Variants in HSPG2 observed in about 807,000 individuals in gnomAD.
The protein encoded by HSPG2 is heparan sulfate proteoglycan 2.
In HSPG2, 278 loss-of-function variants were observed where a neutral mutation model predicts 526.6. That is an observed-to-expected ratio of 0.53 (90% CI 0.48 to 0.58). HSPG2 has a LOEUF of 0.58. Ranked by LOEUF, HSPG2 falls within the 20% of genes least tolerant of loss-of-function variation. HSPG2 has a pLI of 0.00. For missense variants in HSPG2, 5,354 were observed against 6,099.5 expected (o/e 0.88, Z 4.07); for synonymous variants, 2,465 against 2,555.4 (o/e 0.96, Z 1.07).
At chr1:21,885,743 C>T (rs997462729) in intron 9 of HSPG2, among the ~76,000 whole-genome samples, 14 of 152,194 alleles carry the variant, frequency 9.2e-5, no homozygotes, top group African/African-American at 3.1e-4. Flanking sequence ...CGCTCAGAGG[C>T]ACAGAAGCGC....
Position 21,890,147 on chromosome 1 carries a change from G to A in HSPG2, c.414-6C>T. 1 of 1,614,022 alleles carries A rather than the reference G, an allele frequency of 6.2e-7. No individual in the cohort carries two copies. Among genetic ancestry groups the A allele is most frequent in the African/African-American group, 1.3e-5 (1 of 75,026 alleles). ...AAACCCAGCCATCCAGCTCCCTGGG[G>A]ATGGAGACAGGCAGGAGAGGAGGGT... On this transcript the variant is annotated splice_polypyrimidine_tract_variant and splice_region_variant and intron_variant, in intron 5 of 96. Transcript: ENST00000374695. The surrounding 1 kb of genome is among the most constrained non-coding windows in gnomAD (Gnocchi z 4.1).
In HSPG2 at chr1:21,887,785, A is replaced by G. The variant is rs548488294; in HGVS notation, c.704-111T>C. 1.1e-5 allele frequency: 16 copies of G among 1,429,656 alleles called. No individual in the cohort carries two copies. Among genetic ancestry groups the G allele is most frequent in the Non-Finnish European group, 1.5e-5 (16 of 1,038,360 alleles). The allele number at this position is 1,429,656 out of a possible 1,614,324, so 88.6% of individuals were successfully genotyped here. On this transcript the variant is annotated intron_variant, in intron 7 of 96. Transcript: ENST00000374695. This position sits in a 1 kb window ranked among gnomAD's most constrained non-coding sequence, Gnocchi z 5.0. ...GTACTCCCCAACACCACTCCCTGCC[A>G]CCCCCTGCCTGGCTCTGTCATCACC...
At chr1:21,885,578 A>C in intron 9 of HSPG2, 127 bp from the exon 10 acceptor site, 1 of 1,083,142 alleles carries the variant, frequency 9.2e-7, no homozygotes, top group Non-Finnish European at 1.4e-6. Flanking sequence ...CCCCTGCTGC[A>C]CAACACTGTC....
In HSPG2 at chr1:21,885,185, G is replaced by T. The variant is rs963835932; in HGVS notation, c.1211-28C>A. On this transcript the variant is annotated intron_variant, in intron 10 of 96. Coordinates refer to ENST00000374695, the MANE Select transcript of HSPG2 (RefSeq NM_005529.7). ...GAGGAGACCAGGGCAGGAGTGAGGG[G>T]TCGGGGGCAAAGGAAGGAGGAGCGG... 3 of 1,601,142 alleles carry T rather than the reference G, an allele frequency of 1.9e-6. No individual in the cohort carries two copies. In the African/African-American group the frequency reaches 4.0e-5, roughly 21 times the overall value.
intron 6 of HSPG2, chr1:21,888,746 G>A (rs1221493041): frequency 1.5e-6 from 2 of 1,355,596 alleles, no homozygotes; most frequent in Non-Finnish European, 2.0e-6. Flanking sequence ...ATCAGTGGCT[G>A]TTCCACCTGG....
chr1:21,852,049 C>T, intron 53 of HSPG2, 39 bp downstream of exon 53: 2 of 1,612,212 alleles, frequency 1.2e-6, no homozygotes, highest in Non-Finnish European at 1.7e-6. Flanking sequence ...CTGCAACCCA[C>T]TGTCCATGGC....
In HSPG2 at chr1:21,887,357, GCAGCATCCTCCCGGGC is replaced by G; in HGVS notation, c.959-39_959-24del. On this transcript the variant is annotated intron_variant, in intron 8 of 96. Transcript: ENST00000374695. This position sits in a 1 kb window ranked among gnomAD's most constrained non-coding sequence, Gnocchi z 5.0. ...GGCCTAGGAGACCGGGCAGGGGTCA[GCAGCATCCTCCCGGGC>G]CAGCTTCCTGCTCCCCGCACCCACC... is the stretch of plus-strand genomic sequence containing the variant. 1 of 1,613,904 alleles carries G rather than the reference GCAGCATCCTCCCGGGC, an allele frequency of 6.2e-7. No individual in the cohort carries two copies.
rs968648128 is a variant in HSPG2 at position 21,904,618 on chromosome 1, A to G, written c.64-8308T>C. ...CTGAATGAGCTGCCTGCCAGCTTAC[A>G]GGGAACCAGGAAGCCACCGGGAAAT... On this transcript the variant is annotated intron_variant, in intron 1 of 96. Coordinates refer to ENST00000374695, the MANE Select transcript of HSPG2 (RefSeq NM_005529.7). The surrounding 1 kb of genome is among the most constrained non-coding windows in gnomAD (Gnocchi z 4.4). Among the ~76,000 whole-genome samples the G allele has an allele frequency of 1.3e-5, 2 of 152,188 alleles. No individual in the cohort carries two copies. The highest frequency in any genetic ancestry group is 4.8e-5 in the African/African-American group (2 of 41,456).
At chr1:21,867,871 A>G (rs1640360508) in intron 33 of HSPG2, among the ~76,000 whole-genome samples, 1 of 151,946 alleles carries the variant, frequency 6.6e-6, no homozygotes, top group South Asian at 2.1e-4. Flanking sequence ...GTAGGATTAC[A>G]GGTGCCTGCC....
Position 21,828,452 on chromosome 1 carries a change from C to T in HSPG2, c.12238-26G>A. 6.2e-7 allele frequency: 1 copy of T among 1,610,658 alleles called. No individual in the cohort carries two copies. Among genetic ancestry groups the T allele is most frequent in the Admixed American group, 1.7e-5 (1 of 59,980 alleles). On this transcript the variant is annotated intron_variant, in intron 88 of 96. Transcript: ENST00000374695. The surrounding 1 kb of genome is among the most constrained non-coding windows in gnomAD (Gnocchi z 6.0). ...CTGTGGGGACAGGGACACCGAGGGACTAAAGGGGCCTGGGAGGCAGAGACC... is the reference window on the plus strand; with the variant it reads ...CTGTGGGGACAGGGACACCGAGGGATTAAAGGGGCCTGGGAGGCAGAGACC...
At position 21,896,215 on chromosome 1, in the gene HSPG2, A is replaced by G; in HGVS notation, c.159T>C (p.Leu53=). 6.2e-7 allele frequency: 1 copy of G among 1,613,900 alleles called. No individual in the cohort carries two copies. Among genetic ancestry groups the G allele is most frequent in the East Asian group, 2.2e-5 (1 of 44,834 alleles). ...CAGCCAGCATGTCCTCATCATCAGA[A>G]AGGTACGAATGTGTCCAGCGCATTT... The part of the protein sequence containing the change: ...ASQMRWTHSY[L]SDDEDMLADS... Residue 53 remains leucine, a synonymous_variant, in exon 2 of 97, where the codon CTT becomes CTC. Transcript: ENST00000374695.
At position 21,829,904 on chromosome 1, in the gene HSPG2, C is replaced by T. The variant is rs1016376656; in HGVS notation, c.11770+89G>A. The T allele has an allele frequency of 6.3e-5, 70 of 1,109,856 alleles. No homozygotes were observed. In the African/African-American group the frequency reaches 8.2e-4, roughly 13 times the overall value. The allele number at this position is 1,109,856 out of a possible 1,614,324, so 68.8% of individuals were successfully genotyped here. A position where few individuals can be genotyped will look rare whatever the true frequency, so the allele number is the denominator to read the frequency against. Reference sequence around the variant, plus strand: ...CTGGCTTGGGAATCGTTTTATCATCCGTAGGGCCCATCATGGCCTCAGAGT... The same window carrying T: ...CTGGCTTGGGAATCGTTTTATCATCTGTAGGGCCCATCATGGCCTCAGAGT... On this transcript the variant is annotated intron_variant, in intron 86 of 96. Transcript: ENST00000374695.
chr1:21,868,832 C>T (rs1052474479), intron 33 of HSPG2: 4 of 580,726 alleles, frequency 6.9e-6, no homozygotes, highest in Non-Finnish European at 8.7e-6. Flanking sequence ...AAAGGGCCCT[C>T]TGATATTTTG....
chr1:21,832,046 C>T (rs894210787), intron 81 of HSPG2, among the ~76,000 whole-genome samples: 14 of 152,154 alleles, frequency 9.2e-5, no homozygotes, highest in Admixed American at 8.5e-4. Context: ...CCAGGCTCAG[C>T]GCCCTGCAGC....
At chr1:21,915,019 C>A (rs1269340798) in intron 1 of HSPG2, among the ~76,000 whole-genome samples, 1 of 152,206 alleles carries the variant, frequency 6.6e-6, no homozygotes, top group Non-Finnish European at 1.5e-5. Context: ...CAGGGCCCAG[C>A]CCAGGACCGG....
At chr1:21,916,397 C>T (rs1482352529) in intron 1 of HSPG2, among the ~76,000 whole-genome samples, 1 of 151,910 alleles carries the variant, frequency 6.6e-6, no homozygotes, top group African/African-American at 2.4e-5. Flanking sequence ...GCCAGATACT[C>T]GGGAGGAGGA....
intron 21 of HSPG2, 26 bp from the exon 22 acceptor site, chr1:21,876,678 G>GGACA: frequency 6.2e-7 from 1 of 1,614,064 alleles, no homozygotes; most frequent in Non-Finnish European, 8.5e-7. Flanking sequence ...TGGAGCTGAA[G>GGACA]GACAGCCCAT....
Position 21,833,382 on chromosome 1 carries a change from G to A in HSPG2, c.10981C>T (p.Arg3661Trp), listed in dbSNP as rs746678863. 1.8e-5 allele frequency: 29 copies of A among 1,614,000 alleles called. No homozygotes were observed. Among genetic ancestry groups the A allele is most frequent in the Admixed American group, 3.3e-5 (2 of 60,012 alleles). Residue 3661 changes from arginine to tryptophan, a missense_variant and splice_region_variant, in exon 80 of 97, where the codon CGG (arginine) becomes TGG (tryptophan). Transcript: ENST00000374695. ...KAFAHLQVPE[R>W]VVPYFTQTPY... ...GTCTGCGTGAAGTAGGGCACCACCC[G>A]CTCTGCCAGCAGAGAGCACAGCTGA...
Position 21,887,208 on chromosome 1 carries a change from T to A in HSPG2, c.1078+7A>T. 6.2e-7 allele frequency: 1 copy of A among 1,613,626 alleles called. No homozygotes were observed. Among genetic ancestry groups the A allele is most frequent in the South Asian group, 1.1e-5 (1 of 91,058 alleles). ...AGGGGGCCTCAGCTGGACCCTCGGA[T>A]ACTCACGGCAGTTGGCTTCATCAGT... On this transcript the variant is annotated splice_region_variant and intron_variant, in intron 9 of 96. Transcript: ENST00000374695. The surrounding 1 kb of genome is among the most constrained non-coding windows in gnomAD (Gnocchi z 5.0).
Sources: gnomAD v4.1 joint callset for allele counts (sites outside exome capture counted in the v4.1 genomes callset) on GRCh38, gnomAD v4.1.1 for gene constraint, Gnocchi (gnomAD v3.1) non-coding constraint, MANE v1.5 for transcripts, NCBI Gene and HGNC (gene_info 2026-07-23, HGNC 2026-07-21) for gene names.